Variants in SLC39A11 observed in about 807,000 individuals in gnomAD.
SLC39A11 encodes the protein zinc transporter ZIP11.
A neutral mutation model predicts 36.1 loss-of-function variants in SLC39A11; 33 were observed. The observed-to-expected ratio is 0.91, with a 90% CI of 0.69 to 1.22. SLC39A11 has a LOEUF of 1.22. SLC39A11 is among the 50% of genes most tolerant of loss of function. The pLI, the probability that SLC39A11 is intolerant of heterozygous loss-of-function variation, is 0.00. For missense variants in SLC39A11, 432 were observed against 430.3 expected (o/e 1.00, Z -0.03); for synonymous variants, 166 against 170.3 (o/e 0.97, Z 0.20).
At chr17:72,855,443 A>T (rs1040647199) in intron 5 of SLC39A11, among the ~76,000 whole-genome samples, 3 of 152,236 alleles carry the variant, frequency 2.0e-5, no homozygotes, top group African/African-American at 7.2e-5. Flanking sequence ...ATTTGGTTGG[A>T]TTAGCACAAA....
chr17:72,948,000 C>T (rs575035150), intron 4 of SLC39A11, 125 bp from the exon 5 acceptor site: 1 of 1,246,546 alleles, frequency 8.0e-7, no homozygotes, highest in Non-Finnish European at 1.1e-6. Flanking sequence ...TGAGCCAGTC[C>T]TCCGGCCAAC....
chr17:72,955,589 G>A (rs554599623), intron 4 of SLC39A11, among the ~76,000 whole-genome samples: 8 of 151,554 alleles, frequency 5.3e-5, no homozygotes, highest in South Asian at 2.1e-4. Context: ...GATTACAGGC[G>A]TGAGCCGCAG....
At chr17:73,024,282 G>C (rs2058455550) in intron 4 of SLC39A11, among the ~76,000 whole-genome samples, 1 of 152,172 alleles carries the variant, frequency 6.6e-6, no homozygotes, top group Non-Finnish European at 1.5e-5. Context: ...CCAGGATGCA[G>C]CATATAGCTT....
chr17:72,686,873 T>C (rs776069468), intron 7 of SLC39A11, among the ~76,000 whole-genome samples: 2 of 152,190 alleles, frequency 1.3e-5, no homozygotes, highest in Non-Finnish European at 2.9e-5. Context: ...CCACTTGCCA[T>C]TAAAGGAAGA....
chr17:72,969,743 C>T (rs950929436), intron 4 of SLC39A11, among the ~76,000 whole-genome samples: 1 of 152,136 alleles, frequency 6.6e-6, no homozygotes, highest in Non-Finnish European at 1.5e-5. Flanking sequence ...TCCCTGGTTA[C>T]TAGGGAAACG....
At chr17:72,904,346 C>A (rs2146987886) in intron 5 of SLC39A11, among the ~76,000 whole-genome samples, 1 of 152,322 alleles carries the variant, frequency 6.6e-6, no homozygotes, top group South Asian at 2.1e-4. Context: ...AGGGGAAGGG[C>A]ATTTCAGGCA....
chr17:73,088,293 C>CCAA (rs780928823), intron 2 of SLC39A11, among the ~76,000 whole-genome samples: 20 of 65,908 alleles, frequency 3.0e-4, no homozygotes, highest in Non-Finnish European at 2.1e-4. Flanking sequence ...GATTCTGTCT[C>CCAA]AAAAAAAAAA....
chr17:72,921,044 C>T (rs1014791946), intron 5 of SLC39A11, among the ~76,000 whole-genome samples: 2 of 152,128 alleles, frequency 1.3e-5, no homozygotes, highest in Admixed American at 1.3e-4. Context: ...TGTTCTTATT[C>T]TTGCATTTGT....
At chr17:72,974,958 G>A (rs762649094) in intron 4 of SLC39A11, among the ~76,000 whole-genome samples, 1 of 152,194 alleles carries the variant, frequency 6.6e-6, no homozygotes, top group Non-Finnish European at 1.5e-5. Context: ...TGTAGCCTCG[G>A]AGCAATAGGC....
At chr17:72,867,885 G>A (rs1444670029) in intron 5 of SLC39A11, among the ~76,000 whole-genome samples, 1 of 152,134 alleles carries the variant, frequency 6.6e-6, no homozygotes, top group Admixed American at 6.5e-5. Flanking sequence ...TGACCCTAGT[G>A]CCTTGGGATC....
At chr17:72,885,867 T>C (rs530722405) in intron 5 of SLC39A11, among the ~76,000 whole-genome samples, 65 of 152,312 alleles carry the variant, frequency 4.3e-4, no homozygotes, top group African/African-American at 1.4e-3. Flanking sequence ...TTGAATGTAA[T>C]TGGAGAGAAA....
intron 6 of SLC39A11, among the ~76,000 whole-genome samples, chr17:72,836,174 T>C (rs1490451258): frequency 6.6e-6 from 1 of 152,208 alleles, no homozygotes; most frequent in Non-Finnish European, 1.5e-5. Context: ...TAACATTTAA[T>C]GTGGCAAGCT....
chr17:73,054,133 G>T (rs2059592532), intron 3 of SLC39A11, among the ~76,000 whole-genome samples: 1 of 152,116 alleles, frequency 6.6e-6, no homozygotes, highest in Non-Finnish European at 1.5e-5. Flanking sequence ...GGGAGGCCGA[G>T]GTGGGTGGAC....
At chr17:72,773,818 A>T (rs1022880393) in intron 6 of SLC39A11, among the ~76,000 whole-genome samples, 1 of 152,216 alleles carries the variant, frequency 6.6e-6, no homozygotes, top group Non-Finnish European at 1.5e-5. Flanking sequence ...CTGTAGACCT[A>T]GAAAAAAATA....
At chr17:73,041,947 G>C (rs1196416546) in intron 3 of SLC39A11, among the ~76,000 whole-genome samples, 2 of 152,086 alleles carry the variant, frequency 1.3e-5, no homozygotes, top group Non-Finnish European at 2.9e-5. Context: ...AAATGCCCCA[G>C]GGATCTGTAC....
At chr17:72,664,411 G>C (rs112859019) in intron 7 of SLC39A11, among the ~76,000 whole-genome samples, 1 of 152,142 alleles carries the variant, frequency 6.6e-6, no homozygotes, top group Non-Finnish European at 1.5e-5. Context: ...TGGGGAAGAG[G>C]AGACCATAAA....
chr17:72,906,130 C>CT (rs1336798710), intron 5 of SLC39A11, among the ~76,000 whole-genome samples: 8 of 152,204 alleles, frequency 5.3e-5, no homozygotes, highest in African/African-American at 1.9e-4. Context: ...AATGAGGAGT[C>CT]TGGTTAGACA....
intron 5 of SLC39A11, among the ~76,000 whole-genome samples, chr17:72,901,704 T>A (rs1014249506): frequency 1.3e-5 from 2 of 152,222 alleles, no homozygotes; most frequent in Non-Finnish European, 2.9e-5. Flanking sequence ...AGCTTTTGCA[T>A]AAACACCAGT....
chr17:73,076,773 G>A (rs994594554), intron 3 of SLC39A11, among the ~76,000 whole-genome samples: 1 of 151,988 alleles, frequency 6.6e-6, no homozygotes, highest in African/African-American at 2.4e-5. Context: ...GAGAAGTAAG[G>A]GGAAGAGGCA....
Sources: gnomAD v4.1 joint callset for allele counts (sites outside exome capture counted in the v4.1 genomes callset) on GRCh38, gnomAD v4.1.1 for gene constraint, MANE v1.5 for transcripts, NCBI Gene and HGNC (gene_info 2026-07-23, HGNC 2026-07-21) for gene names.